Variants in CLASP2 observed in about 807,000 individuals in gnomAD.
CLASP2 encodes the protein CLIP-associating protein 2.
In CLASP2, 47 loss-of-function variants were observed where a neutral mutation model predicts 194.4. That is an observed-to-expected ratio of 0.24 (90% CI 0.19 to 0.31). The LOEUF (loss-of-function observed/expected upper bound fraction) is 0.31, where lower values mean the gene tolerates loss of function less well. Among genes scored for constraint, CLASP2 ranks in the 10% least tolerant of loss-of-function variants. The pLI is 1.00. For missense variants in CLASP2, 1,445 were observed against 1,823.6 expected (o/e 0.79, Z 3.78); for synonymous variants, 619 against 633.5 (o/e 0.98, Z 0.34).
At chr3:33,503,441 T>C (rs2047300428) in intron 37 of CLASP2, 1 of 151,920 alleles carries the variant, frequency 6.6e-6, no homozygotes, top group Non-Finnish European at 1.5e-5. Flanking sequence ...TTTTTTTTTT[T>C]TCCTTGAGAT....
chr3:33,503,978 T>A (rs1159086223), intron 37 of CLASP2: 1 of 152,234 alleles, frequency 6.6e-6, no homozygotes, highest in Non-Finnish European at 1.5e-5. Flanking sequence ...TACATCTTCT[T>A]TGAAGAAATA....
chr3:33,530,506 C>T (rs977911500), intron 34 of CLASP2, among the ~76,000 whole-genome samples: 10 of 152,034 alleles, frequency 6.6e-5, no homozygotes, highest in South Asian at 4.1e-4. Flanking sequence ...AAACCAGTAA[C>T]GCAGTTGTTT....
At chr3:33,504,668 A>T (rs2047657241) in intron 37 of CLASP2, 1 of 152,216 alleles carries the variant, frequency 6.6e-6, no homozygotes, top group African/African-American at 2.4e-5. Flanking sequence ...TTTTCCACGG[A>T]TGGGGAAGGG....
At chr3:33,559,502 A>G in intron 28 of CLASP2, 117 bp from the exon 29 acceptor site, 1 of 651,228 alleles carries the variant, frequency 1.5e-6, no homozygotes, top group Non-Finnish European at 2.7e-6. Context: ...TCCATGAAGT[A>G]GTATCTGCAT....
chr3:33,529,948 G>A (rs1362814741), intron 34 of CLASP2, among the ~76,000 whole-genome samples: 17 of 129,998 alleles, frequency 1.3e-4, no homozygotes, highest in Admixed American at 1.0e-4. Flanking sequence ...ACTGCGGTCC[G>A]CAGTCCGGGC....
intron 24 of CLASP2, among the ~76,000 whole-genome samples, chr3:33,575,185 T>C (rs1170372927): frequency 6.6e-6 from 1 of 152,164 alleles, no homozygotes; most frequent in Non-Finnish European, 1.5e-5. Flanking sequence ...ACAAAGTCCC[T>C]ACTTAATTAT....
chr3:33,628,428 G>T (rs972236351), intron 9 of CLASP2, among the ~76,000 whole-genome samples: 2 of 152,112 alleles, frequency 1.3e-5, no homozygotes, highest in East Asian at 3.9e-4. Context: ...ACTCAAAAAC[G>T]TACTTCAGTG....
chr3:33,713,661 A>G (rs2093146519), intron 1 of CLASP2, among the ~76,000 whole-genome samples: 1 of 152,080 alleles, frequency 6.6e-6, no homozygotes, highest in Non-Finnish European at 1.5e-5. Flanking sequence ...ATAGCGCTAC[A>G]TAGTTATAAA....
intron 26 of CLASP2, among the ~76,000 whole-genome samples, chr3:33,569,899 T>A (rs1208158187): frequency 6.6e-6 from 1 of 151,948 alleles, no homozygotes; most frequent in Admixed American, 6.5e-5. Flanking sequence ...TAGAAAAAAA[T>A]GAGGAGGAAA....
intron 8 of CLASP2, among the ~76,000 whole-genome samples, chr3:33,636,564 A>C (rs1009625630): frequency 6.6e-6 from 1 of 152,228 alleles, no homozygotes; most frequent in Non-Finnish European, 1.5e-5. Context: ...TATATAGAAG[A>C]TATGAAAAGA....
In CLASP2 at chr3:33,570,249, G is replaced by T. The variant is rs2063491309; in HGVS notation, c.2763+478C>A. The stretch of plus-strand genomic sequence containing the variant: ...TATGGACTACTTCAATGTAAGAAAT[G>T]TCTCTTATATTACTACCAAACTATG... On this transcript the variant is annotated intron_variant, in intron 26 of 38. Coordinates refer to ENST00000682230, the MANE Select transcript of CLASP2 (RefSeq NM_001365631.1). Among the ~76,000 whole-genome samples the T allele has an allele frequency of 2.0e-5, 3 of 152,242 alleles. No homozygotes were observed. The South Asian group carries it at 6.2e-4, about 32-fold the overall frequency.
rs760251835 is a variant in CLASP2, at chr3:33,573,341, C to T, written c.2468G>A (p.Arg823Gln). The change falls in exon 25 of 39, where the codon CGA (arginine) becomes CAA (glutamine). Residue 823 changes from arginine (R) to glutamine (Q), a missense_variant. Physicochemically the swap from Arg to Gln is conservative, Grantham distance 43 (BLOSUM62 1). Coordinates refer to ENST00000682230, the MANE Select transcript of CLASP2 (RefSeq NM_001365631.1). ...AVADALKKPA[R>Q]RRYESYGMHS... ...CATTCCATATGATTCATATCTTCTTCGAGCTGGTTTTTTCTGTTATACATC... is the reference window on the plus strand; with the variant it reads ...CATTCCATATGATTCATATCTTCTTTGAGCTGGTTTTTTCTGTTATACATC... 2.5e-5 allele frequency: 40 copies of T among 1,613,494 alleles called. No individual in the cohort carries two copies. Among genetic ancestry groups the T allele is most frequent in the Non-Finnish European group, 3.1e-5 (36 of 1,179,716 alleles).
intron 6 of CLASP2, among the ~76,000 whole-genome samples, chr3:33,672,582 A>C (rs542998419): frequency 6.6e-6 from 1 of 152,256 alleles, no homozygotes; most frequent in Non-Finnish European, 1.5e-5. Flanking sequence ...GCAACGGAAC[A>C]AAGCTGGATG....
intron 21 of CLASP2, 47 bp from the exon 22 acceptor site, chr3:33,584,967 G>A: frequency 6.6e-7 from 1 of 1,510,088 alleles, no homozygotes; most frequent in South Asian, 1.3e-5. Flanking sequence ...AATGCCAAGA[G>A]AATTTGCTGA....
At chr3:33,711,882 T>C (rs1298038536) in intron 1 of CLASP2, among the ~76,000 whole-genome samples, 1 of 152,140 alleles carries the variant, frequency 6.6e-6, no homozygotes, top group Non-Finnish European at 1.5e-5. Flanking sequence ...ACAATGGATG[T>C]TGGTGTCATG....
chr3:33,626,769 T>C (rs1432748703), intron 10 of CLASP2, among the ~76,000 whole-genome samples: 4 of 145,820 alleles, frequency 2.7e-5, no homozygotes, highest in Non-Finnish European at 5.9e-5. Context: ...CTACCAAATG[T>C]GTAGGATAGG....
chr3:33,602,770 GA>G, intron 18 of CLASP2, 181 bp downstream of exon 18: 1 of 706,278 alleles, frequency 1.4e-6, no homozygotes, highest in Non-Finnish European at 2.5e-6. Context: ...GAGAACAAGG[GA>G]AAAGGAGAAA....
chr3:33,597,846 A>C (rs1347243101), intron 18 of CLASP2, among the ~76,000 whole-genome samples: 10 of 150,030 alleles, frequency 6.7e-5, no homozygotes, highest in African/African-American at 2.0e-4. Context: ...TCCACCTCCC[A>C]GGTTCAAGTG....
chr3:33,499,086 C>G (rs2046229138), intron 38 of CLASP2, among the ~76,000 whole-genome samples: 1 of 152,038 alleles, frequency 6.6e-6, no homozygotes, highest in Non-Finnish European at 1.5e-5. Context: ...GGGGGAGGGT[C>G]CTTGTGGGAG....
Sources: gnomAD v4.1 joint callset for allele counts (sites outside exome capture counted in the v4.1 genomes callset) on GRCh38, gnomAD v4.1.1 for gene constraint, MANE v1.5 for transcripts, NCBI Gene and HGNC (gene_info 2026-07-23, HGNC 2026-07-21) for gene names.